Variants in CALN1 observed in about 807,000 individuals in gnomAD.
CALN1 encodes the protein calcium-binding protein 8.
Under a neutral mutation model 30.6 loss-of-function variants are expected in CALN1, and 17 were observed. The ratio of observed to expected loss-of-function variants is 0.56; its 90% CI spans 0.38 to 0.83. CALN1 has a LOEUF of 0.83. CALN1 is among the 40% of genes least tolerant of loss of function. The pLI, the probability that CALN1 is intolerant of heterozygous loss-of-function variation, is 0.00. For missense variants in CALN1, 291 were observed against 354.9 expected (o/e 0.82, Z 1.45); for synonymous variants, 156 against 131.4 (o/e 1.19, Z -1.28).
chr7:72,358,508 T>G (rs1237261727), intron 2 of CALN1, among the ~76,000 whole-genome samples: 1 of 152,156 alleles, frequency 6.6e-6, no homozygotes, highest in Non-Finnish European at 1.5e-5. Flanking sequence ...GCTGGCCAAG[T>G]GGTACATGTC....
Position 71,784,748 on chromosome 7 carries a change from AGG to A in CALN1, c.*3025_*3026del, listed in dbSNP as rs1427372028. 5.0e-6 allele frequency: 2 copies of A among 398,428 alleles called. No homozygotes were observed. Among genetic ancestry groups the A allele is most frequent in the Non-Finnish European group, 8.8e-6 (2 of 226,070 alleles). 24.7% of individuals were successfully genotyped at this position (398,428 alleles called of 1,614,324 possible). A position where few individuals can be genotyped will look rare whatever the true frequency, so the allele number is the denominator to read the frequency against. On this transcript the variant is annotated 3_prime_UTR_variant, in exon 7 of 7. Transcript: ENST00000395275. ...CAAGGTCACTGGTTCCTAAGTCCGG[AGG>A]ACAGAATGAGGGGTGAGCTATTCCC...
chr7:71,920,602 T>C (rs1794895115), intron 5 of CALN1, among the ~76,000 whole-genome samples: 1 of 152,136 alleles, frequency 6.6e-6, no homozygotes, highest in African/African-American at 2.4e-5. Flanking sequence ...CCCAAAGTAC[T>C]GGGATTACAG....
chr7:72,194,532 A>G (rs566432515), intron 3 of CALN1, among the ~76,000 whole-genome samples: 1 of 152,072 alleles, frequency 6.6e-6, no homozygotes, highest in African/African-American at 2.4e-5. Flanking sequence ...CCTGTCTCAA[A>G]CAAAAACAAA....
chr7:72,203,880 A>G (rs1159931203), intron 3 of CALN1, among the ~76,000 whole-genome samples: 1 of 151,934 alleles, frequency 6.6e-6, no homozygotes, highest in African/African-American at 2.4e-5. Flanking sequence ...AGGGGGTAAA[A>G]TATACCCATT....
intron 2 of CALN1, among the ~76,000 whole-genome samples, chr7:72,401,569 A>G (rs564700896): frequency 1.3e-5 from 2 of 152,324 alleles, no homozygotes; most frequent in East Asian, 1.9e-4. Flanking sequence ...GTTCATGTTC[A>G]GCCCCAAAGG....
chr7:72,175,809 T>C (rs1422646528), intron 3 of CALN1, among the ~76,000 whole-genome samples: 4 of 151,952 alleles, frequency 2.6e-5, no homozygotes, highest in Admixed American at 1.3e-4. Context: ...GAACAGACAG[T>C]AAATCACAAA....
At chr7:72,048,104 A>T (rs1298531035) in intron 4 of CALN1, among the ~76,000 whole-genome samples, 7 of 145,034 alleles carry the variant, frequency 4.8e-5, no homozygotes, top group African/African-American at 1.8e-4. Context: ...CAGTGGCATG[A>T]TCTTGGCTCA....
At chr7:71,879,416 T>C (rs55729604) in intron 5 of CALN1, among the ~76,000 whole-genome samples, 11,974 of 152,176 alleles carry the variant, frequency 0.079, 580 homozygotes, top group Non-Finnish European at 0.11. Context: ...GAAGACTTGT[T>C]TAAAGGAGGG....
chr7:71,977,614 CAT>C (rs938769404), intron 5 of CALN1, among the ~76,000 whole-genome samples: 7 of 151,960 alleles, frequency 4.6e-5, no homozygotes, highest in African/African-American at 7.3e-5. Flanking sequence ...ACCTGAGACA[CAT>C]GTCTCCACAG....
chr7:72,384,903 T>C (rs1003557784), intron 2 of CALN1, among the ~76,000 whole-genome samples: 2 of 152,128 alleles, frequency 1.3e-5, no homozygotes, highest in African/African-American at 2.4e-5. Context: ...AGAACGCATA[T>C]CTGATAAAGG....
At chr7:71,971,293 AC>A in intron 5 of CALN1, among the ~76,000 whole-genome samples, 1 of 151,880 alleles carries the variant, frequency 6.6e-6, no homozygotes, top group Non-Finnish European at 1.5e-5. Context: ...TACTAAAAAT[AC>A]AAAAAATTAG....
At chr7:72,285,660 G>A (rs1016269364) in intron 2 of CALN1, among the ~76,000 whole-genome samples, 3 of 152,164 alleles carry the variant, frequency 2.0e-5, no homozygotes, top group Non-Finnish European at 2.9e-5. Flanking sequence ...AATTTATGTT[G>A]TATAGATTTC....
intron 2 of CALN1, among the ~76,000 whole-genome samples, chr7:72,320,531 G>C: frequency 6.6e-6 from 1 of 152,190 alleles, no homozygotes; most frequent in African/African-American, 2.4e-5. Context: ...TGTACAAGTT[G>C]AGCAATTAGA....
At chr7:72,030,755 T>G (rs777453113) in intron 4 of CALN1, among the ~76,000 whole-genome samples, 1 of 152,104 alleles carries the variant, frequency 6.6e-6, no homozygotes, top group Non-Finnish European at 1.5e-5. Context: ...CAATTTTTTT[T>G]TTTTTCTTAG....
At chr7:72,200,432 T>C (rs579699) in intron 3 of CALN1, among the ~76,000 whole-genome samples, 2,669 of 152,324 alleles carry the variant, frequency 0.018, 65 homozygotes, top group African/African-American at 0.061. Flanking sequence ...CTCAGTTTAT[T>C]ATTTCTAGGT....
the CALN1 span, among the ~76,000 whole-genome samples, chr7:72,458,971 C>T: frequency 1.4e-5 from 2 of 145,714 alleles, no homozygotes; most frequent in Non-Finnish European, 3.0e-5. Context: ...AGTGCAGTGG[C>T]ACAACCTCAG....
At chr7:71,867,597 G>A (rs963381779) in intron 5 of CALN1, among the ~76,000 whole-genome samples, 6 of 152,072 alleles carry the variant, frequency 3.9e-5, no homozygotes, top group African/African-American at 1.4e-4. Context: ...ACCATGCCCA[G>A]CTAATTTTGT....
the CALN1 span, among the ~76,000 whole-genome samples, chr7:72,484,666 C>A: frequency 6.6e-6 from 1 of 152,140 alleles, no homozygotes; most frequent in Admixed American, 6.6e-5. Context: ...CTTTGAATTC[C>A]AGCCACCTTC....
chr7:72,196,819 A>C (rs1433743092), intron 3 of CALN1, among the ~76,000 whole-genome samples: 1 of 151,964 alleles, frequency 6.6e-6, no homozygotes, highest in Non-Finnish European at 1.5e-5. Flanking sequence ...CCTGATGAGA[A>C]AACTGGGTCA....
Sources: allele counts gnomAD v4.1 joint callset (sites outside exome capture counted in the v4.1 genomes callset), GRCh38; gene constraint gnomAD v4.1.1; transcripts MANE v1.5; gene names NCBI Gene and HGNC (gene_info 2026-07-23, HGNC 2026-07-21).